Variants in BRINP3 observed in about 807,000 individuals in gnomAD.
BRINP3 encodes the protein BMP/retinoic acid-inducible neural-specific protein 3.
BRINP3 carries 19 observed loss-of-function variants against 71.0 expected under a neutral mutation model. That is an observed-to-expected ratio of 0.27 (90% CI 0.19 to 0.39). The LOEUF (loss-of-function observed/expected upper bound fraction) is 0.39. Ranked by LOEUF, BRINP3 falls within the 10% of genes least tolerant of loss-of-function variation. The pLI is 1.00. For synonymous variants in BRINP3, 380 were observed against 337.7 expected (o/e 1.13, Z -1.37); for missense variants, 959 against 940.8 (o/e 1.02, Z -0.25).
At chr1:190,240,838 C>T (rs1006220271) in intron 4 of BRINP3, among the ~76,000 whole-genome samples, 4 of 127,930 alleles carry the variant, frequency 3.1e-5, no homozygotes, top group Non-Finnish European at 6.3e-5. Flanking sequence ...CTCTATTGCA[C>T]TCCATCCTGG....
intron 6 of BRINP3, among the ~76,000 whole-genome samples, chr1:190,187,267 T>A (rs922539441): frequency 3.9e-5 from 6 of 152,204 alleles, no homozygotes; most frequent in Admixed American, 6.6e-5. Flanking sequence ...ACTGTTATAT[T>A]TTCCATATTG....
At chr1:190,432,578 G>A (rs1189304489) in intron 2 of BRINP3, among the ~76,000 whole-genome samples, 1 of 152,072 alleles carries the variant, frequency 6.6e-6, no homozygotes, top group Admixed American at 6.6e-5. Context: ...GGCATTTCGG[G>A]GCTGATACTT....
chr1:190,188,450 T>A (rs986473165), intron 6 of BRINP3, among the ~76,000 whole-genome samples: 6 of 152,144 alleles, frequency 3.9e-5, no homozygotes, highest in Non-Finnish European at 7.4e-5. Flanking sequence ...GGTTTTAGAG[T>A]AAAATCTTTC....
intron 4 of BRINP3, among the ~76,000 whole-genome samples, chr1:190,245,681 C>A (rs1381647139): frequency 6.6e-6 from 1 of 151,586 alleles, no homozygotes; most frequent in Non-Finnish European, 1.5e-5. Context: ...TATACATGTG[C>A]CATGTTGGTG....
At chr1:190,345,911 T>A (rs72729202) in intron 2 of BRINP3, among the ~76,000 whole-genome samples, 9,726 of 151,940 alleles carry the variant, frequency 0.064, 441 homozygotes, top group East Asian at 0.11. Flanking sequence ...ATCCTCTCTG[T>A]AAATGATCAA....
intron 2 of BRINP3, among the ~76,000 whole-genome samples, chr1:190,421,154 C>G (rs1673352131): frequency 6.6e-6 from 1 of 151,616 alleles, no homozygotes; most frequent in African/African-American, 2.4e-5. Context: ...TTGCTAATCA[C>G]TAAATTCTCC....
intron 2 of BRINP3, among the ~76,000 whole-genome samples, chr1:190,427,563 G>A (rs1673793628): frequency 6.6e-6 from 1 of 151,792 alleles, no homozygotes; most frequent in Admixed American, 6.6e-5. Context: ...CACTGTTAAA[G>A]GTAATAATTG....
intron 2 of BRINP3, among the ~76,000 whole-genome samples, chr1:190,402,115 T>C (rs943823612): frequency 6.6e-6 from 1 of 152,120 alleles, no homozygotes; most frequent in African/African-American, 2.4e-5. Flanking sequence ...TCTTTTACTC[T>C]TGAAAATAAA....
At chr1:190,189,333 G>C (rs923848223) in intron 6 of BRINP3, among the ~76,000 whole-genome samples, 4 of 151,982 alleles carry the variant, frequency 2.6e-5, no homozygotes, top group Non-Finnish European at 4.4e-5. Flanking sequence ...TTATTTGTCT[G>C]TTCAGATTTT....
chr1:190,314,318 C>T (rs1421056564), intron 2 of BRINP3, among the ~76,000 whole-genome samples: 1 of 151,946 alleles, frequency 6.6e-6, no homozygotes, highest in Admixed American at 6.6e-5. Context: ...AATTGCCTTC[C>T]CCAAAATGCC....
chr1:190,449,297 T>G (rs955418023), intron 2 of BRINP3, among the ~76,000 whole-genome samples: 1 of 151,962 alleles, frequency 6.6e-6, no homozygotes, highest in Non-Finnish European at 1.5e-5. Flanking sequence ...TGCCGTATGG[T>G]CTTCTGTTTC....
At chr1:190,151,417 C>A (rs1034568053) in intron 7 of BRINP3, among the ~76,000 whole-genome samples, 2 of 152,126 alleles carry the variant, frequency 1.3e-5, no homozygotes, top group South Asian at 4.1e-4. Context: ...CATCTACAAA[C>A]CATTGACAGT....
chr1:190,160,550 T>G, intron 7 of BRINP3, 118 bp downstream of exon 7: 1 of 745,222 alleles, frequency 1.3e-6, no homozygotes, highest in Non-Finnish European at 2.1e-6. Context: ...TCAAATTATC[T>G]CTAATAGTAT....
chr1:190,473,332 A>G (rs1050419732), intron 1 of BRINP3, among the ~76,000 whole-genome samples: 1 of 151,976 alleles, frequency 6.6e-6, no homozygotes, highest in Non-Finnish European at 1.5e-5. Context: ...CAATTTTACA[A>G]CCCAAAGTTA....
At position 190,097,975 on chromosome 1, in the gene BRINP3, T is replaced by A. The variant is rs1651345701; in HGVS notation, c.*43A>T. On this transcript the variant is annotated 3_prime_UTR_variant, in exon 8 of 8. Coordinates refer to ENST00000367462, the MANE Select transcript of BRINP3 (RefSeq NM_199051.3). Reference sequence around the variant, plus strand: ...CATAAACTGTTCCACAAAAGCACTGTAAAAACTCCTTCAAGATTTTGGGTT... The same window carrying A: ...CATAAACTGTTCCACAAAAGCACTGAAAAAACTCCTTCAAGATTTTGGGTT... 2 of 1,551,430 alleles carry A rather than the reference T, an allele frequency of 1.3e-6. No individual in the cohort carries two copies. Among genetic ancestry groups the A allele is most frequent in the South Asian group, 1.2e-5 (1 of 80,692 alleles).
At chr1:190,404,183 C>G (rs939086350) in intron 2 of BRINP3, among the ~76,000 whole-genome samples, 3 of 151,964 alleles carry the variant, frequency 2.0e-5, no homozygotes, top group African/African-American at 7.2e-5. Flanking sequence ...TTGTTATTTA[C>G]AAATAGTAAT....
chr1:190,275,634 A>G (rs1662491317), intron 3 of BRINP3, among the ~76,000 whole-genome samples: 1 of 151,666 alleles, frequency 6.6e-6, no homozygotes, highest in Non-Finnish European at 1.5e-5. Context: ...AACTCAGTAT[A>G]TATTTGTCAA....
intron 7 of BRINP3, among the ~76,000 whole-genome samples, chr1:190,100,292 T>C (rs1270249765): frequency 1.3e-5 from 2 of 152,196 alleles, no homozygotes; most frequent in East Asian, 1.9e-4. Context: ...TATGCTGTAC[T>C]CAATCCTTTA....
intron 2 of BRINP3, among the ~76,000 whole-genome samples, chr1:190,418,206 C>T (rs1239956410): frequency 1.3e-5 from 2 of 152,044 alleles, no homozygotes; most frequent in Non-Finnish European, 2.9e-5. Flanking sequence ...AGCCCCCCAC[C>T]ATGCCTGGCT....
Sources: gnomAD v4.1 joint callset for allele counts (sites outside exome capture counted in the v4.1 genomes callset) on GRCh38, gnomAD v4.1.1 for gene constraint, MANE v1.5 for transcripts, NCBI Gene and HGNC (gene_info 2026-07-23, HGNC 2026-07-21) for gene names.